LRRC3B: variants seen among roughly 807,000 people sequenced by gnomAD.
LRRC3B encodes the protein leucine-rich repeat-containing protein 3B.
LRRC3B carries 2 observed loss-of-function variants against 12.8 expected under a neutral mutation model. The ratio of observed to expected loss-of-function variants is 0.16; its 90% CI spans 0.06 to 0.49. The LOEUF (loss-of-function observed/expected upper bound fraction) is 0.49, where lower values mean the gene tolerates loss of function less well. LRRC3B is among the 20% of genes least tolerant of loss of function. The pLI is 0.96. For synonymous variants in LRRC3B, 132 were observed against 122.0 expected (o/e 1.08, Z -0.54); for missense variants, 189 against 319.4 (o/e 0.59, Z 3.11).
At chr3:26,686,450 T>C (rs370425599) in intron 1 of LRRC3B, among the ~76,000 whole-genome samples, 1 of 152,200 alleles carries the variant, frequency 6.6e-6, no homozygotes, top group African/African-American at 2.4e-5. Flanking sequence ...TATATCTAAT[T>C]TGAAGCCCAA....
intron 1 of LRRC3B, among the ~76,000 whole-genome samples, chr3:26,666,439 G>T (rs1303209864): frequency 6.6e-6 from 1 of 152,054 alleles, no homozygotes; most frequent in Admixed American, 6.6e-5. Context: ...GGGTCTTCAT[G>T]GAAGGGAGGG....
intron 1 of LRRC3B, among the ~76,000 whole-genome samples, chr3:26,674,009 T>G (rs891360123): frequency 6.6e-6 from 1 of 152,230 alleles, no homozygotes; most frequent in African/African-American, 2.4e-5. Context: ...CACATAGGCT[T>G]GTCAATGATG....
At chr3:26,634,934 C>T (rs11924193) in intron 1 of LRRC3B, among the ~76,000 whole-genome samples, 1,787 of 152,206 alleles carry the variant, frequency 0.012, 31 homozygotes, top group African/African-American at 0.038. Context: ...TGAATGTTGG[C>T]GTTGTCTGAT....
chr3:26,705,021 G>A (rs910504737), intron 1 of LRRC3B, among the ~76,000 whole-genome samples: 7 of 152,074 alleles, frequency 4.6e-5, no homozygotes, highest in African/African-American at 1.4e-4. Context: ...GAGTTGGTAC[G>A]CTCACTTATC....
chr3:26,646,416 C>T (rs1699145002), intron 1 of LRRC3B, among the ~76,000 whole-genome samples: 1 of 152,024 alleles, frequency 6.6e-6, no homozygotes, highest in Non-Finnish European at 1.5e-5. Flanking sequence ...CTCCTTGCAA[C>T]ACCGATCAAG....
intron 1 of LRRC3B, among the ~76,000 whole-genome samples, chr3:26,678,605 G>C (rs1352522796): frequency 6.6e-6 from 1 of 152,118 alleles, no homozygotes; most frequent in African/African-American, 2.4e-5. Flanking sequence ...CTAAGAGCCA[G>C]GGGACCCTCA....
At position 26,654,713 on chromosome 3, in the gene LRRC3B, G is replaced by C. The variant is rs558907927; in HGVS notation, c.-161+31476G>C. On this transcript the variant is annotated intron_variant, in intron 1 of 1. Coordinates refer to ENST00000396641, the Ensembl canonical transcript of LRRC3B. ...AGCAGGGGAGAATATCAGAACATCA[G>C]AATATTCTGTAGAAGTGCTTGGATA... Among the ~76,000 whole-genome samples, 6 of 152,302 alleles carry C rather than the reference G, an allele frequency of 3.9e-5. No individual in the cohort carries two copies. In the East Asian group the frequency reaches 1.2e-3, roughly 29 times the overall value.
intron 1 of LRRC3B, among the ~76,000 whole-genome samples, chr3:26,707,171 G>A (rs1357565288): frequency 6.8e-6 from 1 of 147,840 alleles, no homozygotes; most frequent in African/African-American, 2.5e-5. Context: ...GGCCAACATG[G>A]TGAAACCCTG....
intron 1 of LRRC3B, among the ~76,000 whole-genome samples, chr3:26,655,822 A>G (rs1347215349): frequency 6.6e-6 from 1 of 152,160 alleles, no homozygotes; most frequent in Non-Finnish European, 1.5e-5. Flanking sequence ...GTACTGGGCC[A>G]AGGTCTGTGC....
At chr3:26,646,035 G>A (rs1010118216) in intron 1 of LRRC3B, among the ~76,000 whole-genome samples, 10 of 152,198 alleles carry the variant, frequency 6.6e-5, no homozygotes, top group Middle Eastern at 3.4e-3. Context: ...AAGGGTGTGC[G>A]CTTGTTTCCT....
At chr3:26,697,014 G>T (rs1700334305) in intron 1 of LRRC3B, among the ~76,000 whole-genome samples, 1 of 152,052 alleles carries the variant, frequency 6.6e-6, no homozygotes, top group Non-Finnish European at 1.5e-5. Flanking sequence ...GTCTTTAGCT[G>T]CCAGGAAACT....
chr3:26,636,869 CCTT>C, intron 1 of LRRC3B, among the ~76,000 whole-genome samples: 4 of 102,844 alleles, frequency 3.9e-5, no homozygotes, highest in African/African-American at 1.9e-4. Flanking sequence ...TCCCTCCCTT[CCTT>C]CCTTCCTTCC....
intron 1 of LRRC3B, among the ~76,000 whole-genome samples, chr3:26,633,427 ACTT>A (rs1698801720): frequency 1.3e-5 from 2 of 152,184 alleles, no homozygotes; most frequent in African/African-American, 4.8e-5. Flanking sequence ...GAGAAGTACT[ACTT>A]AAGTTATTAT....
intron 1 of LRRC3B, among the ~76,000 whole-genome samples, chr3:26,705,157 G>A (rs1342381139): frequency 6.6e-6 from 1 of 152,160 alleles, no homozygotes; most frequent in African/African-American, 2.4e-5. Context: ...TCTTCTCAGT[G>A]AATGAACACC....
chr3:26,625,003 G>A (rs1261144752), intron 1 of LRRC3B: 1 of 152,286 alleles, frequency 6.6e-6, no homozygotes, highest in Non-Finnish European at 1.5e-5. Context: ...TCTCCCTGAG[G>A]AGGTGCATGC....
intron 1 of LRRC3B, among the ~76,000 whole-genome samples, chr3:26,685,521 CTCTATATATATATATATA>C (rs1355685239): frequency 0.031 from 1,269 of 41,484 alleles, 8 homozygotes; most frequent in South Asian, 0.067. Context: ...CTCTCTCTCT[CTCTATATATATATATATA>C]TATATATATA....
chr3:26,691,444 T>A (rs1700192957), intron 1 of LRRC3B, among the ~76,000 whole-genome samples: 1 of 152,120 alleles, frequency 6.6e-6, no homozygotes, highest in Non-Finnish European at 1.5e-5. Flanking sequence ...TATTTCATGC[T>A]TCATGGGTGT....
At chr3:26,675,836 T>C (rs2125436912) in intron 1 of LRRC3B, among the ~76,000 whole-genome samples, 1 of 152,302 alleles carries the variant, frequency 6.6e-6, no homozygotes, top group East Asian at 1.9e-4. Flanking sequence ...TTCTAGAATG[T>C]TTACCTTCTT....
intron 1 of LRRC3B, among the ~76,000 whole-genome samples, chr3:26,702,976 T>A (rs60179146): frequency 0.018 from 2,690 of 152,130 alleles, 28 homozygotes; most frequent in African/African-American, 0.04. Flanking sequence ...CTTCCTGTAG[T>A]AGATGGTTGA....
Sources: gnomAD v4.1 joint callset for allele counts (sites outside exome capture counted in the v4.1 genomes callset) on GRCh38, gnomAD v4.1.1 for gene constraint, MANE v1.5 for transcripts, NCBI Gene and HGNC (gene_info 2026-07-23, HGNC 2026-07-21) for gene names.